AGTPBP1: variants seen among roughly 807,000 people sequenced by gnomAD.
The protein encoded by AGTPBP1 is cytosolic carboxypeptidase 1.
A neutral mutation model predicts 143.9 loss-of-function variants in AGTPBP1; 70 were observed. The ratio of observed to expected loss-of-function variants is 0.49; its 90% CI spans 0.40 to 0.59. The LOEUF (loss-of-function observed/expected upper bound fraction) is 0.59. Among genes scored for constraint, AGTPBP1 ranks in the 20% least tolerant of loss-of-function variants. AGTPBP1 has a pLI of 0.00. For synonymous variants in AGTPBP1, 463 were observed against 500.2 expected (o/e 0.93, Z 0.99); for missense variants, 1,229 against 1,464.5 (o/e 0.84, Z 2.62).
At chr9:85,555,058 C>A (rs1040372467) in intron 25 of AGTPBP1, among the ~76,000 whole-genome samples, 5 of 152,148 alleles carry the variant, frequency 3.3e-5, no homozygotes, top group Admixed American at 2.0e-4. Context: ...AAACTTAAAT[C>A]TCCACATAAA....
At chr9:85,777,186 A>T in the AGTPBP1 span, among the ~76,000 whole-genome samples, 1 of 152,182 alleles carries the variant, frequency 6.6e-6, no homozygotes, top group Non-Finnish European at 1.5e-5. Context: ...TGTGTGGAAT[A>T]CCATGACAGT....
chr9:85,757,287 G>A, the AGTPBP1 span, among the ~76,000 whole-genome samples: 3,344 of 152,082 alleles, frequency 0.022, 59 homozygotes, highest in Non-Finnish European at 0.034. Context: ...GACTGGTCTC[G>A]AACTTCTGAC....
At chr9:85,679,334 G>A (rs1365953241) in intron 4 of AGTPBP1, among the ~76,000 whole-genome samples, 1 of 152,048 alleles carries the variant, frequency 6.6e-6, no homozygotes, top group South Asian at 2.1e-4. Context: ...CTTTTCCTGA[G>A]AACTGAGCAT....
intron 4 of AGTPBP1, 135 bp downstream of exon 4, chr9:85,681,133 T>C (rs1261268848): frequency 1.3e-6 from 1 of 752,560 alleles, no homozygotes. Context: ...ACAAAAATTA[T>C]TACATATACG....
intron 11 of AGTPBP1, among the ~76,000 whole-genome samples, chr9:85,649,873 C>A (rs772048756): frequency 2.0e-4 from 30 of 152,026 alleles, no homozygotes; most frequent in Non-Finnish European, 3.1e-4. Flanking sequence ...TCTTAAAAAT[C>A]ATCTTTACTT....
At chr9:85,643,989 T>G (rs1284335717) in intron 12 of AGTPBP1, among the ~76,000 whole-genome samples, 5 of 152,164 alleles carry the variant, frequency 3.3e-5, no homozygotes, top group African/African-American at 1.2e-4. Flanking sequence ...TACAAGTATA[T>G]TTTACTATGC....
At chr9:85,797,110 T>C in the AGTPBP1 span, among the ~76,000 whole-genome samples, 1 of 151,700 alleles carries the variant, frequency 6.6e-6, no homozygotes, top group Non-Finnish European at 1.5e-5. Context: ...AGTTGCTTAG[T>C]TTTATCTCTC....
At chr9:85,743,562 C>A (rs549739010), upstream of AGTPBP1, among the ~76,000 whole-genome samples, 1 of 152,318 alleles carries the variant, frequency 6.6e-6, no homozygotes, top group African/African-American at 2.4e-5. Flanking sequence ...CCTCTCCTAG[C>A]TAATGTGACG....
In AGTPBP1 at chr9:85,546,643, T is replaced by C. The variant is rs1268495678; in HGVS notation, c.*466A>G. ...TTCAGTCACAACCCAATAGTTAACA[T>C]GATTCTGAAGAACAGTCTTATCTGC... On this transcript the variant is annotated 3_prime_UTR_variant, in exon 26 of 26. Transcript: ENST00000357081. The C allele has an allele frequency of 6.6e-6, 1 of 152,530 alleles. No homozygotes were observed. The highest frequency in any genetic ancestry group is 2.4e-5 in the African/African-American group (1 of 41,472). 9.4% of individuals were successfully genotyped at this position (152,530 alleles called of 1,614,324 possible).
Position 85,633,392 on chromosome 9 carries a change from T to C in AGTPBP1, c.1303-18A>G, listed in dbSNP as rs2133716221. ...TCATAGTCCTTTGAAAATAAAAACA[T>C]GTTTAATCTTTTAACTGTAAATATT... On this transcript the variant is annotated intron_variant, in intron 13 of 25. Coordinates refer to ENST00000357081, the MANE Select transcript of AGTPBP1 (RefSeq NM_001330701.2). The C allele has an allele frequency of 6.8e-7, 1 of 1,480,338 alleles. No homozygotes were observed. The highest frequency in any genetic ancestry group is 2.3e-5 in the East Asian group (1 of 43,618). The allele number at this position is 1,480,338 out of a possible 1,614,324, so 91.7% of individuals were successfully genotyped here. A position where few individuals can be genotyped will look rare whatever the true frequency, so the allele number is the denominator to read the frequency against.
chr9:85,689,982 A>T (rs536922968), intron 3 of AGTPBP1, among the ~76,000 whole-genome samples: 128 of 147,104 alleles, frequency 8.7e-4, no homozygotes, highest in African/African-American at 3.2e-3. Flanking sequence ...GTGCTGGGTC[A>T]AATACCAGGT....
At chr9:85,693,324 G>A (rs1836004725) in intron 2 of AGTPBP1, among the ~76,000 whole-genome samples, 1 of 152,112 alleles carries the variant, frequency 6.6e-6, no homozygotes, top group African/African-American at 2.4e-5. Context: ...ACATAGGCCG[G>A]GCACAGAGGC....
the AGTPBP1 span, among the ~76,000 whole-genome samples, chr9:85,750,069 A>G: frequency 6.6e-6 from 1 of 152,046 alleles, no homozygotes; most frequent in East Asian, 1.9e-4. Context: ...TTTTTAATAG[A>G]GACAGGGTTT....
At chr9:85,712,678 ACCGG>A in intron 1 of AGTPBP1, 112 bp from the exon 2 acceptor site, 1 of 441,810 alleles carries the variant, frequency 2.3e-6, no homozygotes, top group Admixed American at 4.4e-5. Context: ...ACAAGATAAC[ACCGG>A]AAACAAAAAG....
intron 17 of AGTPBP1, among the ~76,000 whole-genome samples, chr9:85,599,368 A>C (rs1037658827): frequency 6.6e-6 from 1 of 152,216 alleles, no homozygotes; most frequent in African/African-American, 2.4e-5. Context: ...ATACCAACAA[A>C]TGCTTTTATT....
chr9:85,585,701 T>A, intron 22 of AGTPBP1, 107 bp from the exon 23 acceptor site: 1 of 865,316 alleles, frequency 1.2e-6, no homozygotes, highest in Non-Finnish European at 1.6e-6. Context: ...TTCCTTGGTC[T>A]TTTTATTGTA....
the AGTPBP1 span, among the ~76,000 whole-genome samples, chr9:85,805,029 C>T: frequency 6.6e-6 from 1 of 152,192 alleles, no homozygotes; most frequent in Non-Finnish European, 1.5e-5. Context: ...AGGCCTCCCT[C>T]CTTCCACCCG....
At chr9:85,592,840 T>A in intron 18 of AGTPBP1, 136 bp from the exon 19 acceptor site, 1 of 957,004 alleles carries the variant, frequency 1.0e-6, no homozygotes, top group African/African-American at 1.7e-5. Flanking sequence ...ATACCCTATT[T>A]TAAAAAAACT....
intron 14 of AGTPBP1, among the ~76,000 whole-genome samples, chr9:85,623,070 G>A (rs931762646): frequency 6.6e-6 from 1 of 152,092 alleles, no homozygotes; most frequent in African/African-American, 2.4e-5. Flanking sequence ...CAAAGAGCTC[G>A]GGCCCGACAG....
Sources: gnomAD v4.1 joint callset for allele counts (sites outside exome capture counted in the v4.1 genomes callset) on GRCh38, gnomAD v4.1.1 for gene constraint, MANE v1.5 for transcripts, NCBI Gene and HGNC (gene_info 2026-07-23, HGNC 2026-07-21) for gene names.